RD3: variants seen among roughly 807,000 people sequenced by gnomAD.
The protein encoded by RD3 is protein RD3.
In RD3, 11 loss-of-function variants were observed where a neutral mutation model predicts 16.9. The ratio of observed to expected loss-of-function variants is 0.65; its 90% CI spans 0.41 to 1.08. RD3 has a LOEUF of 1.08. Among genes scored for constraint, RD3 ranks in the 50% least tolerant of loss-of-function variants. RD3 has a pLI of 0.00. For missense variants in RD3, 274 were observed against 267.4 expected, an observed-to-expected ratio of 1.02 and a Z score of -0.17; for synonymous variants, 116 against 114.8, an observed-to-expected ratio of 1.01 and a Z score of -0.07.
chr1:211,478,060 T>C lies in RD3; in HGVS notation c.*976A>G. On this transcript the variant is annotated 3_prime_UTR_variant, in exon 3 of 3. Coordinates refer to ENST00000680073, the MANE Select transcript of RD3 (RefSeq NM_001164688.2). Reference sequence around the variant, plus strand: ...AGTCAGGGGTTTGGGCATCACTTTCTGGAGAAAGCCAGAGAGCAGGTGTGA... The same window carrying C: ...AGTCAGGGGTTTGGGCATCACTTTCCGGAGAAAGCCAGAGAGCAGGTGTGA... The C allele has an allele frequency of 2.5e-6, 1 of 398,686 alleles. No homozygotes were observed. The highest frequency in any genetic ancestry group is 4.4e-6 in the Non-Finnish European group (1 of 226,124). The allele number at this position is 398,686 out of a possible 1,614,324, so 24.7% of individuals were successfully genotyped here.
At chr1:211,484,935 TG>T (rs1384010543) in intron 1 of RD3, among the ~76,000 whole-genome samples, 2 of 152,258 alleles carry the variant, frequency 1.3e-5, no homozygotes, top group African/African-American at 4.8e-5. Context: ...TGGCCCCTTC[TG>T]TGGGGAAGTG....
rs780414126 is a variant in RD3, at chr1:211,479,273, G to A, written c.351C>T (p.Leu117=). The change falls in exon 3 of 3, where the codon CTC becomes CTT. Residue 117 remains leucine, a synonymous_variant. Coordinates refer to ENST00000680073, the MANE Select transcript of RD3 (RefSeq NM_001164688.2). ...QEPEVQEVSQ[L]FRSVLQEVLE... is the part of the protein sequence containing the mutation. The stretch of plus-strand genomic sequence containing the variant: ...GGACCTCCTGCAGCACCGAGCGGAA[G>A]AGCTGGGACACCTCCTGCACCTCGG... The A allele has an allele frequency of 3.1e-6, 5 of 1,606,328 alleles. No homozygotes were observed. The highest frequency in any genetic ancestry group is 4.3e-6 in the Non-Finnish European group (5 of 1,176,408).
In RD3 at chr1:211,483,527, A is replaced by G. The variant is rs76674587; in HGVS notation, c.-11-2101T>C. 8.1e-3 allele frequency among the ~76,000 whole-genome samples: 1,226 copies of G among 152,190 alleles called. 22 individuals carry two copies. The highest frequency in any genetic ancestry group is 0.028 in the African/African-American group (1,157 of 41,498). ...TAAGCCTATCACCAATGGAGGCTTC[A>G]GATTACACAGCTGACCGCTTCCTGG... On this transcript the variant is annotated intron_variant, in intron 1 of 2. Transcript: ENST00000680073.
At chr1:211,490,100 G>A (rs1705456224) in intron 1 of RD3, among the ~76,000 whole-genome samples, 1 of 152,186 alleles carries the variant, frequency 6.6e-6, no homozygotes, top group Admixed American at 6.5e-5. Context: ...AGCTGTGCTG[G>A]AAAAACTCTC....
At chr1:211,479,392 C>T in intron 2 of RD3, 65 bp from the exon 3 acceptor site, 1 of 1,485,328 alleles carries the variant, frequency 6.7e-7, no homozygotes, top group Non-Finnish European at 9.1e-7. Flanking sequence ...CCCCGGGCGT[C>T]TAACCCCGAG....
At position 211,477,447 on chromosome 1, in the gene RD3, C is replaced by T. The variant is rs777426977; in HGVS notation, c.*1589G>A. 7.1e-6 allele frequency: 1 copy of T among 141,554 alleles called. No homozygotes were observed. Among genetic ancestry groups the T allele is most frequent in the Non-Finnish European group, 1.5e-5 (1 of 66,330 alleles). 8.8% of individuals were successfully genotyped at this position (141,554 alleles called of 1,614,324 possible). On this transcript the variant is annotated 3_prime_UTR_variant, in exon 3 of 3. Coordinates refer to ENST00000680073, the MANE Select transcript of RD3 (RefSeq NM_001164688.2). Reference sequence around the variant, plus strand: ...GCAGCCTGGGTAACAGAGTGAGACTCAGTCTCAAAAAAAAAAAAAAAAGTT... The same window carrying T: ...GCAGCCTGGGTAACAGAGTGAGACTTAGTCTCAAAAAAAAAAAAAAAAGTT...
chr1:211,479,662 C>T (rs1171683659), intron 2 of RD3, among the ~76,000 whole-genome samples: 1 of 152,170 alleles, frequency 6.6e-6, no homozygotes, highest in Non-Finnish European at 1.5e-5. Context: ...TTAAGGGGAG[C>T]CCTTTGCCGT....
rs372790239 is a variant in RD3 at position 211,481,396 on chromosome 1, A to T, written c.20T>A (p.Leu7His). Residue 7 changes from leucine to histidine, a missense_variant, in exon 2 of 3, where the codon CTT becomes CAT. Transcript: ENST00000680073. MSLISWLRWNEAPSRLS... is the reference protein window; with the variant it reads MSLISWHRWNEAPSRLS... ...CCGGGATGGGGCCTCGTTCCACCGA[A>T]GCCATGAGATGAGAGACATAGCCCC... The T allele has an allele frequency of 2.8e-5, 45 of 1,612,936 alleles. No individual in the cohort carries two copies. The highest frequency in any genetic ancestry group is 3.7e-5 in the Non-Finnish European group (44 of 1,180,036).
chr1:211,482,096 C>T (rs1558180178), intron 1 of RD3, among the ~76,000 whole-genome samples: 1 of 150,954 alleles, frequency 6.6e-6, no homozygotes, highest in Non-Finnish European at 1.5e-5. Flanking sequence ...GTGGTGCATG[C>T]CTGTAATCCC....
chr1:211,476,890 G>A lies in RD3; in HGVS notation c.*2146C>T, dbSNP rs1447085988. The A allele has an allele frequency of 2.0e-5, 3 of 152,102 alleles. No homozygotes were observed. The highest frequency in any genetic ancestry group is 1.3e-4 in the Admixed American group (2 of 15,272). The allele number at this position is 152,102 out of a possible 1,614,324, so 9.4% of individuals were successfully genotyped here. ...CCAGCCTCCTTTGAATCTCCCTCCA[G>A]GTTAACTACTTCCTCTAAAACATTT... On this transcript the variant is annotated 3_prime_UTR_variant, in exon 3 of 3. Coordinates refer to ENST00000680073, the MANE Select transcript of RD3 (RefSeq NM_001164688.2).
At position 211,477,464 on chromosome 1, in the gene RD3, A is replaced by G. The variant is rs1465144573; in HGVS notation, c.*1572T>C. The G allele has an allele frequency of 6.6e-6, 1 of 152,058 alleles. No individual in the cohort carries two copies. Among genetic ancestry groups the G allele is most frequent in the Admixed American group, 6.6e-5 (1 of 15,266 alleles). 9.4% of individuals were successfully genotyped at this position (152,058 alleles called of 1,614,324 possible). On this transcript the variant is annotated 3_prime_UTR_variant, in exon 3 of 3. Transcript: ENST00000680073. The stretch of plus-strand genomic sequence containing the variant: ...GTGAGACTCAGTCTCAAAAAAAAAA[A>G]AAAAAGTTTGGCAACCAAGTGAACT...
At chr1:211,481,673 A>G (rs1054533597) in intron 1 of RD3, among the ~76,000 whole-genome samples, 4 of 152,260 alleles carry the variant, frequency 2.6e-5, no homozygotes, top group Non-Finnish European at 4.4e-5. Flanking sequence ...TAAACATCAC[A>G]TAAAAGTAAG....
rs546173809 is a variant in RD3 at position 211,477,589 on chromosome 1, A to G, written c.*1447T>C. The G allele has an allele frequency of 6.5e-6, 1 of 152,736 alleles. No homozygotes were observed. The highest frequency in any genetic ancestry group is 2.1e-4 in the South Asian group (1 of 4,832). 9.5% of individuals were successfully genotyped at this position (152,736 alleles called of 1,614,324 possible). A position where few individuals can be genotyped will look rare whatever the true frequency, so the allele number is the denominator to read the frequency against. ...CATTAATAAGCCAATCAACTCTTTC[A>G]TCTTGATAGTGTTGGATCAGAGGTT... is the stretch of plus-strand genomic sequence containing the variant. On this transcript the variant is annotated 3_prime_UTR_variant, in exon 3 of 3. Coordinates refer to ENST00000680073, the MANE Select transcript of RD3 (RefSeq NM_001164688.2).
At chr1:211,487,548 C>T (rs1386222683) in intron 1 of RD3, among the ~76,000 whole-genome samples, 1 of 152,248 alleles carries the variant, frequency 6.6e-6, no homozygotes, top group Non-Finnish European at 1.5e-5. Context: ...ATTTATCACA[C>T]TTTTCTGCAT....
intron 2 of RD3, among the ~76,000 whole-genome samples, chr1:211,480,189 C>T (rs1705233451): frequency 6.6e-6 from 1 of 152,116 alleles, no homozygotes; most frequent in South Asian, 2.1e-4. Flanking sequence ...GAGGCTTCCA[C>T]AGTACAGAAT....
In RD3 at chr1:211,481,149, G is replaced by C; in HGVS notation, c.267C>G (p.His89Gln). 6.2e-7 allele frequency: 1 copy of C among 1,614,262 alleles called. No homozygotes were observed. The highest frequency in any genetic ancestry group is 8.5e-7 in the Non-Finnish European group (1 of 1,180,052). Residue 89 changes from histidine (H) to glutamine (Q), a missense_variant, in exon 2 of 3, where the codon CAC (histidine) becomes CAG (glutamine). His to Gln is a conservative substitution (Grantham distance 24). Coordinates refer to ENST00000680073, the MANE Select transcript of RD3 (RefSeq NM_001164688.2). ...GGATAGCAGGCCCACAATAGGATGG[G>C]TGGATCTTAACGCAGACATCTTCCA... ...LQLEDVCVKI[H>Q]PSYCGPAILR...
intron 1 of RD3, among the ~76,000 whole-genome samples, chr1:211,481,784 G>C (rs1050624919): frequency 6.6e-6 from 1 of 152,058 alleles, no homozygotes; most frequent in Admixed American, 6.5e-5. Flanking sequence ...GAAACACATG[G>C]ACTATGGCTG....
Position 211,484,085 on chromosome 1 carries a change from ACT to A in RD3, c.-11-2661_-11-2660del, listed in dbSNP as rs1413435343. The stretch of plus-strand genomic sequence containing the variant: ...TCCCATCTCCGAGGTAGATGTGGCC[ACT>A]CTCTACCTTGTCCCCTGACTGCACT... On this transcript the variant is annotated intron_variant, in intron 1 of 2. Coordinates refer to ENST00000680073, the MANE Select transcript of RD3 (RefSeq NM_001164688.2). 2.0e-5 allele frequency among the ~76,000 whole-genome samples: 3 copies of A among 151,858 alleles called. 1 individual carries two copies. The highest frequency in any genetic ancestry group is 1.3e-4 in the Admixed American group (2 of 15,258).
intron 1 of RD3, among the ~76,000 whole-genome samples, chr1:211,485,617 A>T (rs915740877): frequency 2.6e-5 from 4 of 152,138 alleles, no homozygotes; most frequent in Non-Finnish European, 5.9e-5. Flanking sequence ...TCTGTTAAAC[A>T]ACAGAAAGAG....
Sources: allele counts gnomAD v4.1 joint callset (sites outside exome capture counted in the v4.1 genomes callset), GRCh38; gene constraint gnomAD v4.1.1; transcripts MANE v1.5; gene names NCBI Gene and HGNC (gene_info 2026-07-23, HGNC 2026-07-21).